Variants in HGF observed in about 807,000 individuals in gnomAD.
HGF encodes fibroblast-derived tumor cytotoxic factor.
HGF carries 39 observed loss-of-function variants against 111.6 expected under a neutral mutation model. That is an observed-to-expected ratio of 0.35 (90% CI 0.27 to 0.46). HGF has a LOEUF of 0.46. Among genes scored for constraint, HGF ranks in the 20% least tolerant of loss-of-function variants. The probability of loss-of-function intolerance (pLI) is 1.00; values close to 1 mark genes in which losing one functional copy is unlikely to be tolerated. For synonymous variants in HGF, 285 were observed against 294.8 expected (o/e 0.97, Z 0.34); for missense variants, 735 against 910.5 (o/e 0.81, Z 2.48).
At chr7:81,729,874 T>A (rs1787588602) in intron 7 of HGF, 95 bp from the exon 8 acceptor site, 8 of 1,078,388 alleles carry the variant, frequency 7.4e-6, no homozygotes, top group Non-Finnish European at 1.1e-5. Context: ...TATTAGCAGA[T>A]TTTTTTTTCT....
At chr7:81,752,331 A>G in intron 4 of HGF, 69 bp from the exon 5 acceptor site, 1 of 1,265,430 alleles carries the variant, frequency 7.9e-7, no homozygotes, top group African/African-American at 1.5e-5. Flanking sequence ...AATTTTACTA[A>G]TTAGTGGGTA....
At chr7:81,743,588 G>T (rs967940806) in intron 6 of HGF, 117 bp from the exon 7 acceptor site, 1 of 772,294 alleles carries the variant, frequency 1.3e-6, no homozygotes, top group African/African-American at 1.7e-5. Context: ...GAAAGAGGAC[G>T]TTTTCTATGT....
At position 81,732,345 on chromosome 7, in the gene HGF, C is replaced by T. The variant is rs1182081668; in HGVS notation, c.866-2566G>A. ...TTGAAATTTCTAAATATGGAAGCAG[C>T]TTCAAAAGGCTGTTTGTTTCCTCTA... On this transcript the variant is annotated intron_variant, in intron 7 of 17. Coordinates refer to ENST00000222390, the MANE Select transcript of HGF (RefSeq NM_000601.6). Among the ~76,000 whole-genome samples the T allele has an allele frequency of 2.0e-5, 3 of 152,116 alleles. No individual in the cohort carries two copies. The East Asian group carries it at 5.8e-4, about 29-fold the overall frequency.
At chr7:81,713,249 G>C (rs757226875) in intron 11 of HGF, among the ~76,000 whole-genome samples, 2 of 152,168 alleles carry the variant, frequency 1.3e-5, no homozygotes, top group East Asian at 3.9e-4. Context: ...ATGGCCTTGC[G>C]TGGTGGCTCG....
At chr7:81,722,231 G>A (rs1789883719) in intron 9 of HGF, among the ~76,000 whole-genome samples, 1 of 151,800 alleles carries the variant, frequency 6.6e-6, no homozygotes, top group African/African-American at 2.4e-5. Flanking sequence ...TGCTCCATGA[G>A]GTTTTCTATT....
At chr7:81,736,478 ATTG>A (rs1380906003) in intron 7 of HGF, among the ~76,000 whole-genome samples, 1 of 152,030 alleles carries the variant, frequency 6.6e-6, no homozygotes, top group Non-Finnish European at 1.5e-5. Context: ...ATTCTATTTT[ATTG>A]TTGTTGTTAA....
chr7:81,702,629 T>C lies in HGF; in HGVS notation c.2139A>G (p.Ala713=). The C allele has an allele frequency of 6.2e-7, 1 of 1,611,552 alleles. No individual in the cohort carries two copies. The highest frequency in any genetic ancestry group is 1.1e-5 in the South Asian group (1 of 91,016). Residue 713 remains alanine, a synonymous_variant, in exon 18 of 18, where the codon GCA becomes GCG. Transcript: ENST00000222390. ...TTAAAATAATTTTGTGTATCCATTT[T>C]GCATAATATGCTACTCGGACAAAAA... ...PGIFVRVAYY[A]KWIHKIILTY...
At chr7:81,726,155 A>G in intron 8 of HGF, 138 bp from the exon 9 acceptor site, 1 of 815,184 alleles carries the variant, frequency 1.2e-6, no homozygotes, top group Non-Finnish European at 2.1e-6. Flanking sequence ...GAATAGCTAT[A>G]ACAATTTAAT....
intron 2 of HGF, among the ~76,000 whole-genome samples, chr7:81,760,867 T>C (rs996566615): frequency 6.6e-6 from 1 of 152,160 alleles, no homozygotes; most frequent in Non-Finnish European, 1.5e-5. Context: ...TGAAATCTCA[T>C]ATATATGGAA....
intron 9 of HGF, among the ~76,000 whole-genome samples, chr7:81,723,062 T>C (rs925078393): frequency 2.6e-5 from 4 of 151,978 alleles, no homozygotes; most frequent in Non-Finnish European, 5.9e-5. Context: ...AAATAACTAA[T>C]GGGTACTAGC....
At chr7:81,703,983 C>G (rs1312167523) in intron 17 of HGF, among the ~76,000 whole-genome samples, 2 of 151,732 alleles carry the variant, frequency 1.3e-5, no homozygotes, top group Non-Finnish European at 3.0e-5. Flanking sequence ...AAGTAATTCA[C>G]TCTGGAGACT....
intron 9 of HGF, among the ~76,000 whole-genome samples, chr7:81,725,502 A>G (rs1789982367): frequency 6.6e-6 from 1 of 152,196 alleles, no homozygotes; most frequent in Admixed American, 6.5e-5. Flanking sequence ...ATTAAAATAT[A>G]AAAGAGCAGC....
intron 4 of HGF, chr7:81,756,940 T>C: frequency 1.8e-6 from 1 of 552,370 alleles, no homozygotes; most frequent in Non-Finnish European, 3.2e-6. Context: ...TACGTTATTA[T>C]TTCACAAATA....
intron 8 of HGF, among the ~76,000 whole-genome samples, 192 bp from the exon 9 acceptor site, chr7:81,726,209 T>A (rs1429418357): frequency 6.6e-6 from 1 of 152,194 alleles, no homozygotes; most frequent in East Asian, 1.9e-4. Context: ...CTGAAATAAA[T>A]GCTGTCATAT....
At chr7:81,744,941 A>C (rs1291288318) in intron 6 of HGF, 59 bp downstream of exon 6, 1 of 1,558,772 alleles carries the variant, frequency 6.4e-7, no homozygotes, top group Non-Finnish European at 8.8e-7. Flanking sequence ...GCAGTGTGTC[A>C]TAGAGTGAAT....
intron 7 of HGF, among the ~76,000 whole-genome samples, chr7:81,734,042 G>A (rs984860847): frequency 6.6e-6 from 1 of 152,078 alleles, no homozygotes; most frequent in South Asian, 2.1e-4. Flanking sequence ...GGAGGGTTTT[G>A]AAAAGTCTCC....
At chr7:81,764,132 G>T (rs1789236312) in intron 1 of HGF, among the ~76,000 whole-genome samples, 1 of 152,074 alleles carries the variant, frequency 6.6e-6, no homozygotes, top group South Asian at 2.1e-4. Context: ...GTAAAAATTT[G>T]TGTGCACAAA....
chr7:81,702,562 T>G lies in HGF; in HGVS notation c.*19A>C, dbSNP rs1048682653. The stretch of plus-strand genomic sequence containing the variant: ...AAAGACAGTTGTATTGGTGGGTGCT[T>G]CAGACACACTTACTTCAGCTATGAC... On this transcript the variant is annotated 3_prime_UTR_variant, in exon 18 of 18. Transcript: ENST00000222390. 13 of 1,597,824 alleles carry G rather than the reference T, an allele frequency of 8.1e-6. No individual in the cohort carries two copies. The highest frequency in any genetic ancestry group is 1.0e-5 in the Non-Finnish European group (12 of 1,166,154).
At chr7:81,732,605 AAACTC>A (rs1787704165) in intron 7 of HGF, among the ~76,000 whole-genome samples, 4 of 152,170 alleles carry the variant, frequency 2.6e-5, no homozygotes, top group Non-Finnish European at 4.4e-5. Flanking sequence ...TTAGACCCTT[AAACTC>A]AGACACAAGT....
Sources: allele counts gnomAD v4.1 joint callset (sites outside exome capture counted in the v4.1 genomes callset), GRCh38; gene constraint gnomAD v4.1.1; transcripts MANE v1.5; gene names NCBI Gene and HGNC (gene_info 2026-07-23, HGNC 2026-07-21).